COL24A1: variants seen among roughly 807,000 people sequenced by gnomAD.
The protein encoded by COL24A1 is collagen type XXIV alpha 1 chain, also known as collagen alpha-1(XXIV) chain.
Under a neutral mutation model 253.9 loss-of-function variants are expected in COL24A1, and 224 were observed. That is an observed-to-expected ratio of 0.88 (90% CI 0.79 to 0.99). The LOEUF (loss-of-function observed/expected upper bound fraction) is 0.99. COL24A1 is among the 50% of genes least tolerant of loss of function. COL24A1 has a pLI of 0.00. For missense variants in COL24A1, 2,131 were observed against 2,068.5 expected (o/e 1.03, Z -0.59); for synonymous variants, 685 against 673.7 (o/e 1.02, Z -0.26).
chr1:86,146,065 G>T (rs1236865730), intron 2 of COL24A1, 54 bp downstream of exon 2: 3 of 1,412,808 alleles, frequency 2.1e-6, no homozygotes, highest in Middle Eastern at 3.6e-4. Flanking sequence ...TACTTTTGCT[G>T]TCTGGAAGTA....
At chr1:86,059,267 C>T (rs1700893502) in intron 8 of COL24A1, 93 bp from the exon 9 acceptor site, 1 of 896,492 alleles carries the variant, frequency 1.1e-6, no homozygotes. Context: ...AATTTTTCCC[C>T]ATAAAAATAC....
At chr1:85,821,124 C>T in intron 45 of COL24A1, among the ~76,000 whole-genome samples, 1 of 151,998 alleles carries the variant, frequency 6.6e-6, no homozygotes, top group East Asian at 1.9e-4. Flanking sequence ...TGGCTTGAGT[C>T]TTGGTCTTTG....
intron 9 of COL24A1, 40 bp downstream of exon 9, chr1:86,059,081 T>C (rs749985339): frequency 1.4e-6 from 2 of 1,422,540 alleles, no homozygotes; most frequent in South Asian, 2.6e-5. Flanking sequence ...TATTAATAAA[T>C]AGGAACACAA....
chr1:85,881,921 G>A lies in COL24A1; in HGVS notation c.2977-4746C>T, dbSNP rs140110537. ...CTTTTCTTTTATAGTTTCCTAGGATGGAAGCTTAGATTACTAATCTTAAGT... is the reference window on the plus strand; with the variant it reads ...CTTTTCTTTTATAGTTTCCTAGGATAGAAGCTTAGATTACTAATCTTAAGT... On this transcript the variant is annotated intron_variant, in intron 32 of 59. Coordinates refer to ENST00000370571, the MANE Select transcript of COL24A1 (RefSeq NM_152890.7). Among the ~76,000 whole-genome samples, 1,484 of 152,130 alleles carry A rather than the reference G, an allele frequency of 9.8e-3. 19 individuals carry two copies. The highest frequency in any genetic ancestry group is 0.034 in the African/African-American group (1,398 of 41,482).
intron 43 of COL24A1, among the ~76,000 whole-genome samples, chr1:85,824,553 G>GATTTA (rs1674012470): frequency 6.6e-6 from 1 of 152,116 alleles, no homozygotes; most frequent in Admixed American, 6.6e-5. Context: ...CTGGGCTGAA[G>GATTTA]ACTGGGAGCA....
At chr1:85,814,323 G>A (rs1672855728) in intron 47 of COL24A1, among the ~76,000 whole-genome samples, 2 of 152,192 alleles carry the variant, frequency 1.3e-5, no homozygotes, top group Non-Finnish European at 1.5e-5. Context: ...TAGCATGACA[G>A]ATTCTAGGAA....
chr1:85,857,474 G>GA (rs1166100256), intron 37 of COL24A1, among the ~76,000 whole-genome samples: 20 of 114,848 alleles, frequency 1.7e-4, no homozygotes, highest in African/African-American at 3.2e-4. Context: ...AAAAAAAAAA[G>GA]AAAAAAAAAA....
chr1:86,047,222 C>T (rs1336074687), intron 11 of COL24A1, among the ~76,000 whole-genome samples: 3 of 152,210 alleles, frequency 2.0e-5, no homozygotes, highest in Non-Finnish European at 4.4e-5. Context: ...GGACAACGCC[C>T]TCCTCTCTGC....
intron 19 of COL24A1, among the ~76,000 whole-genome samples, chr1:86,016,812 A>C (rs1268561524): frequency 6.6e-6 from 1 of 152,220 alleles, no homozygotes; most frequent in Non-Finnish European, 1.5e-5. Flanking sequence ...TGGATATAGC[A>C]ATAATTGGAA....
intron 43 of COL24A1, among the ~76,000 whole-genome samples, chr1:85,830,267 G>T (rs1236492868): frequency 1.3e-5 from 2 of 152,122 alleles, no homozygotes; most frequent in Non-Finnish European, 2.9e-5. Context: ...ACTTGAGGAG[G>T]CAGTCTGCCC....
intron 53 of COL24A1, among the ~76,000 whole-genome samples, chr1:85,766,832 G>A (rs1366570450): frequency 2.6e-5 from 4 of 152,050 alleles, no homozygotes; most frequent in Admixed American, 2.0e-4. Context: ...GAGGCCCAGC[G>A]TGATGGCTCA....
At position 85,730,620 on chromosome 1, in the gene COL24A1, C is replaced by A; in HGVS notation, c.5071G>T (p.Glu1691Ter). ...TQEPNQLPVI[E>*]VQKLPHLKTE... ...TTGAGATGAGGAAGTTTTTGTACTT[C>A]AATCACTGGAAGTTGATTAGGTTCC... The change falls in exon 60 of 60, where the codon GAA becomes TAA. Residue 1691 changes from glutamate to a stop codon, truncating the protein, a stop_gained. Coordinates refer to ENST00000370571, the MANE Select transcript of COL24A1 (RefSeq NM_152890.7). LOFTEE classifies it high-confidence loss of function. 6.2e-7 allele frequency: 1 copy of A among 1,613,958 alleles called. No homozygotes were observed. Among genetic ancestry groups the A allele is most frequent in the Non-Finnish European group, 8.5e-7 (1 of 1,179,900 alleles).
chr1:86,044,592 A>G (rs1401122282), intron 12 of COL24A1, among the ~76,000 whole-genome samples: 2 of 152,234 alleles, frequency 1.3e-5, no homozygotes, highest in South Asian at 2.1e-4. Flanking sequence ...TTTTGTAATA[A>G]GAAGAACAGT....
Position 86,145,220 on chromosome 1 carries a change from A to G in COL24A1, c.121+899T>C, listed in dbSNP as rs550098948. Among the ~76,000 whole-genome samples, 6 of 152,064 alleles carry G rather than the reference A, an allele frequency of 3.9e-5. No homozygotes were observed. In the South Asian group the frequency reaches 1.2e-3, roughly 31 times the overall value. On this transcript the variant is annotated intron_variant, in intron 2 of 59. Transcript: ENST00000370571. The stretch of plus-strand genomic sequence containing the variant: ...GTTTACTTGTCTTTTTCTTACTGTT[A>G]TTTGATCAATTGATCAAACTGACAA...
At chr1:85,759,662 A>G (rs2101082132) in intron 55 of COL24A1, among the ~76,000 whole-genome samples, 1 of 152,370 alleles carries the variant, frequency 6.6e-6, no homozygotes, top group Non-Finnish European at 1.5e-5. Context: ...TGTATTCAAC[A>G]CACGTATTTT....
At chr1:85,843,453 A>C (rs1676837705) in intron 39 of COL24A1, among the ~76,000 whole-genome samples, 1 of 152,210 alleles carries the variant, frequency 6.6e-6, no homozygotes, top group African/African-American at 2.4e-5. Flanking sequence ...TGGCTGAATG[A>C]CATATGCTTG....
intron 10 of COL24A1, among the ~76,000 whole-genome samples, chr1:86,051,986 A>G (rs1700339327): frequency 6.6e-6 from 1 of 152,066 alleles, no homozygotes; most frequent in Non-Finnish European, 1.5e-5. Context: ...AGTCTGAAGG[A>G]CAGATATGTC....
intron 20 of COL24A1, among the ~76,000 whole-genome samples, chr1:85,979,986 C>T (rs1693086043): frequency 6.6e-6 from 1 of 152,124 alleles, no homozygotes; most frequent in Non-Finnish European, 1.5e-5. Context: ...AGATAATACA[C>T]AATGATCAAG....
intron 19 of COL24A1, among the ~76,000 whole-genome samples, chr1:85,991,163 A>G (rs1694225793): frequency 6.6e-6 from 1 of 152,180 alleles, no homozygotes; most frequent in South Asian, 2.1e-4. Flanking sequence ...TAAGGTCTCT[A>G]TATGTGACTA....
Sources: allele counts gnomAD v4.1 joint callset (sites outside exome capture counted in the v4.1 genomes callset), GRCh38; gene constraint gnomAD v4.1.1; transcripts MANE v1.5; gene names NCBI Gene and HGNC (gene_info 2026-07-23, HGNC 2026-07-21).